The following CNTNAP5 variants were observed in gnomAD, a reference collection of about 807,000 sequenced individuals.
CNTNAP5 encodes contactin-associated protein-like 5.
Under a neutral mutation model 150.2 loss-of-function variants are expected in CNTNAP5, and 72 were observed. The observed-to-expected ratio is 0.48, with a 90% CI of 0.40 to 0.58. The LOEUF is 0.58. Among genes scored for constraint, CNTNAP5 ranks in the 20% least tolerant of loss-of-function variants. The probability of loss-of-function intolerance (pLI) is 0.00; values close to 1 mark genes in which losing one functional copy is unlikely to be tolerated. For missense variants in CNTNAP5, 1,636 were observed against 1,626.2 expected, an observed-to-expected ratio of 1.01 and a Z score of -0.10; for synonymous variants, 672 against 619.8, an observed-to-expected ratio of 1.08 and a Z score of -1.25.
intron 3 of CNTNAP5, among the ~76,000 whole-genome samples, chr2:124,274,910 T>G (rs1558830229): frequency 6.6e-6 from 1 of 152,144 alleles, no homozygotes; most frequent in Non-Finnish European, 1.5e-5. Flanking sequence ...TAACCCATTT[T>G]CATGCTACTG....
chr2:124,030,991 A>T (rs1281386525), intron 1 of CNTNAP5, among the ~76,000 whole-genome samples: 1 of 151,788 alleles, frequency 6.6e-6, no homozygotes, highest in Non-Finnish European at 1.5e-5. Context: ...CATCTTCACC[A>T]CTCCTCCAAC....
chr2:124,368,807 A>G (rs1690442853), intron 3 of CNTNAP5, among the ~76,000 whole-genome samples: 1 of 152,170 alleles, frequency 6.6e-6, no homozygotes, highest in Non-Finnish European at 1.5e-5. Context: ...AGAAAATAAG[A>G]ACAAAAAATA....
intron 19 of CNTNAP5, among the ~76,000 whole-genome samples, chr2:124,798,617 A>T (rs1356136393): frequency 1.3e-5 from 2 of 152,226 alleles, no homozygotes; most frequent in African/African-American, 2.4e-5. Context: ...GCAAAGGAGA[A>T]CATCATAAGC....
chr2:124,557,279 C>T (rs1204021691), intron 10 of CNTNAP5, among the ~76,000 whole-genome samples: 3 of 54,008 alleles, frequency 5.6e-5, no homozygotes, highest in Non-Finnish European at 1.1e-4. Context: ...TTGCTCCTTG[C>T]CTGTGGCTGC....
At chr2:124,446,720 A>T in intron 5 of CNTNAP5, 33 bp from the exon 6 acceptor site, 1 of 1,600,660 alleles carries the variant, frequency 6.2e-7, no homozygotes, top group South Asian at 1.1e-5. Context: ...CCTTGGACAC[A>T]GACATCATCT....
chr2:124,624,591 CTT>C (rs2105000941), intron 12 of CNTNAP5, among the ~76,000 whole-genome samples: 1 of 152,248 alleles, frequency 6.6e-6, no homozygotes, highest in East Asian at 1.9e-4. Context: ...TTCAAATAAA[CTT>C]TTGAATATTG....
chr2:124,026,218 C>T (rs887856045), intron 1 of CNTNAP5, among the ~76,000 whole-genome samples: 2 of 152,174 alleles, frequency 1.3e-5, no homozygotes, highest in African/African-American at 4.8e-5. Context: ...AGGCAGAAGG[C>T]TCCAGTTGGG....
chr2:124,589,600 T>C (rs936043053), intron 11 of CNTNAP5, among the ~76,000 whole-genome samples: 2 of 152,222 alleles, frequency 1.3e-5, no homozygotes, highest in Non-Finnish European at 2.9e-5. Flanking sequence ...ACATAATTTA[T>C]AGTAAACTTT....
At chr2:124,820,538 G>GC (rs1018104491) in intron 19 of CNTNAP5, among the ~76,000 whole-genome samples, 2 of 150,432 alleles carry the variant, frequency 1.3e-5, no homozygotes, top group Non-Finnish European at 2.9e-5. Flanking sequence ...CAAAGGAAAG[G>GC]GGGGGGAGAA....
intron 19 of CNTNAP5, among the ~76,000 whole-genome samples, chr2:124,864,470 A>C (rs2104719212): frequency 6.7e-6 from 1 of 149,242 alleles, no homozygotes; most frequent in South Asian, 2.1e-4. Context: ...CATCTAGCTT[A>C]ATCTTATTTC....
intron 3 of CNTNAP5, among the ~76,000 whole-genome samples, chr2:124,292,164 G>C (rs2104635176): frequency 6.6e-6 from 1 of 151,610 alleles, no homozygotes; most frequent in African/African-American, 2.4e-5. Flanking sequence ...TTTCCTTTAG[G>C]GTGCTTTATT....
In CNTNAP5 at chr2:124,123,131, C is replaced by T. The variant is rs142996862; in HGVS notation, c.82+97399C>T. Among the ~76,000 whole-genome samples, 687 of 152,042 alleles carry T rather than the reference C, an allele frequency of 4.5e-3. 21 individuals carry two copies. The highest frequency in any genetic ancestry group is 0.041 in the Admixed American group (630 of 15,282). ...ACCTCACCCAGGAAGTGCAAGGGGT[C>T]GGGGAATTCCCTTTCATAACCAAGG... On this transcript the variant is annotated intron_variant, in intron 1 of 23. Transcript: ENST00000682447.
chr2:124,357,355 G>T (rs1458651080), intron 3 of CNTNAP5, among the ~76,000 whole-genome samples: 1 of 152,240 alleles, frequency 6.6e-6, no homozygotes, highest in East Asian at 1.9e-4. Context: ...CATTGCTTTT[G>T]GTGTTGTGGA....
chr2:124,861,899 T>C (rs1336344931), intron 19 of CNTNAP5, among the ~76,000 whole-genome samples: 2 of 152,174 alleles, frequency 1.3e-5, no homozygotes, highest in African/African-American at 4.8e-5. Context: ...CTGCAACCTC[T>C]ACCTCCCAGG....
intron 1 of CNTNAP5, among the ~76,000 whole-genome samples, chr2:124,068,755 T>G (rs1183973156): frequency 6.6e-6 from 1 of 151,696 alleles, no homozygotes; most frequent in Non-Finnish European, 1.5e-5. Context: ...TCTTACATTT[T>G]GAATAACAGC....
chr2:124,151,202 G>A (rs891142175), intron 1 of CNTNAP5, among the ~76,000 whole-genome samples: 8 of 152,242 alleles, frequency 5.3e-5, no homozygotes, highest in South Asian at 2.1e-4. Flanking sequence ...GAATTGGGCC[G>A]GAGCTCCCAG....
intron 6 of CNTNAP5, among the ~76,000 whole-genome samples, chr2:124,448,986 G>A (rs1349349745): frequency 6.6e-6 from 1 of 152,196 alleles, no homozygotes; most frequent in Non-Finnish European, 1.5e-5. Flanking sequence ...TGGACAGCCT[G>A]CTAGCAGACA....
intron 19 of CNTNAP5, among the ~76,000 whole-genome samples, chr2:124,812,252 C>T (rs1382208587): frequency 1.4e-5 from 2 of 144,922 alleles, no homozygotes; most frequent in Non-Finnish European, 3.0e-5. Flanking sequence ...ATAGTTCATG[C>T]TAAGGCTAGT....
intron 1 of CNTNAP5, among the ~76,000 whole-genome samples, chr2:124,110,846 C>A (rs1227192615): frequency 6.6e-6 from 1 of 152,148 alleles, no homozygotes; most frequent in Non-Finnish European, 1.5e-5. Flanking sequence ...ACTTTCACAT[C>A]TATTACCTCA....
Sources: allele counts gnomAD v4.1 joint callset (sites outside exome capture counted in the v4.1 genomes callset), GRCh38; gene constraint gnomAD v4.1.1; transcripts MANE v1.5; gene names NCBI Gene and HGNC (gene_info 2026-07-23, HGNC 2026-07-21).